Variants in DOC2B observed in about 807,000 individuals in gnomAD.
DOC2B encodes the protein double C2-like domain-containing protein beta.
In DOC2B, 21 loss-of-function variants were observed where a neutral mutation model predicts 28.9. That is an observed-to-expected ratio of 0.73 (90% CI 0.52 to 1.05). The LOEUF (loss-of-function observed/expected upper bound fraction) is 1.05. Among genes scored for constraint, DOC2B ranks in the 50% least tolerant of loss-of-function variants. The probability of loss-of-function intolerance (pLI) is 0.00; values close to 1 mark genes in which losing one functional copy is unlikely to be tolerated. For missense variants in DOC2B, 384 were observed against 421.1 expected, an observed-to-expected ratio of 0.91 and a Z score of 0.77; for synonymous variants, 194 against 178.1, an observed-to-expected ratio of 1.09 and a Z score of -0.71.
chr17:159,828 GCA>G (rs970833499), intron 5 of DOC2B, among the ~76,000 whole-genome samples: 7 of 148,032 alleles, frequency 4.7e-5, no homozygotes, highest in Admixed American at 3.3e-4. Flanking sequence ...ACACACTGTC[GCA>G]CACAGACACG....
chr17:147,275 G>A lies in DOC2B; in HGVS notation c.*166C>T, dbSNP rs1046125055. 1.5e-4 allele frequency: 60 copies of A among 395,736 alleles called. No individual in the cohort carries two copies. The highest frequency in any genetic ancestry group is 2.2e-4 in the Admixed American group (5 of 22,658). 24.5% of individuals were successfully genotyped at this position (395,736 alleles called of 1,614,324 possible). A position where few individuals can be genotyped will look rare whatever the true frequency, so the allele number is the denominator to read the frequency against. On this transcript the variant is annotated 3_prime_UTR_variant, in exon 9 of 9. Coordinates refer to ENST00000613549, the MANE Select transcript of DOC2B (RefSeq NM_003585.5). ...TTGCCCTCCCCGTCCCAGAGTGGCT[G>A]AGCCCTCCACATCCTCCGAGCGGGG...
chr17:161,041 C>T (rs984287940), intron 5 of DOC2B, among the ~76,000 whole-genome samples: 15 of 152,218 alleles, frequency 9.9e-5, no homozygotes, highest in Non-Finnish European at 1.9e-4. Flanking sequence ...TATCTGCTGC[C>T]TGCACATCTG....
At chr17:170,824 G>C (rs111785646) in intron 2 of DOC2B, among the ~76,000 whole-genome samples, 16 of 109,700 alleles carry the variant, frequency 1.5e-4, no homozygotes, top group South Asian at 7.6e-4. Context: ...GCAGCACCAG[G>C]GGCCGGGCCA....
chr17:156,325 G>T lies in DOC2B; in HGVS notation c.818C>A (p.Ser273Tyr). The T allele has an allele frequency of 6.4e-7, 1 of 1,551,582 alleles. No individual in the cohort carries two copies. The highest frequency in any genetic ancestry group is 2.0e-5 in the Admixed American group (1 of 51,000). Reference protein sequence around the residue: ...SLEERGRILISLKYSSQKQGL... With the variant: ...SLEERGRILIYLKYSSQKQGL... ...TTGCTTCTGTGAGCTGTACTTGAGG[G>T]AGATGAGGATGCGGCCCCGCTCCTC... The change falls in exon 6 of 9, where the codon TCC becomes TAC. Residue 273 changes from serine (S) to tyrosine (Y), a missense_variant. Ser to Tyr is a moderately radical substitution (Grantham distance 144). Transcript: ENST00000613549.
intron 5 of DOC2B, among the ~76,000 whole-genome samples, chr17:156,856 G>A (rs796129527): frequency 1.3e-5 from 2 of 152,338 alleles, no homozygotes; most frequent in South Asian, 4.1e-4. Context: ...TGGGATTACA[G>A]ACATGAGCCA....
intron 5 of DOC2B, among the ~76,000 whole-genome samples, chr17:158,425 C>G (rs1292961949): frequency 1.3e-5 from 2 of 152,208 alleles, no homozygotes; most frequent in Non-Finnish European, 2.9e-5. Context: ...AAGTGAGTCC[C>G]TCTGGCTACA....
rs2039996881 is a variant in DOC2B, at chr17:143,319, C to T, written c.*4122G>A. On this transcript the variant is annotated 3_prime_UTR_variant, in exon 9 of 9. Transcript: ENST00000613549. ...TCCTCCGTCTTTCCACCCTCCCCTC[C>T]TACCCTTCCAAATCTTTTTTTTTTT... The T allele has an allele frequency of 6.9e-6, 1 of 145,286 alleles. No homozygotes were observed. The allele number at this position is 145,286 out of a possible 1,614,324, so 9.0% of individuals were successfully genotyped here. A position where few individuals can be genotyped will look rare whatever the true frequency, so the allele number is the denominator to read the frequency against.
chr17:147,450 G>A lies in DOC2B; in HGVS notation c.1230C>T (p.Leu410=), dbSNP rs901151420. 1.9e-4 allele frequency: 74 copies of A among 398,738 alleles called. No individual in the cohort carries two copies. The highest frequency in any genetic ancestry group is 1.5e-3 in the African/African-American group (71 of 48,642). The allele number at this position is 398,738 out of a possible 1,614,324, so 24.7% of individuals were successfully genotyped here. A position where few individuals can be genotyped will look rare whatever the true frequency, so the allele number is the denominator to read the frequency against. ...TLTSELPGAV[L]SD ...CAGTGGCGGGTGGGCGTCAGTCGCT[G>A]AGCACAGCCCCTGGGAGCTCGCTGG... Residue 410 remains leucine (L), a synonymous_variant, in exon 9 of 9, where the codon CTC becomes CTT. Coordinates refer to ENST00000613549, the MANE Select transcript of DOC2B (RefSeq NM_003585.5).
intron 3 of DOC2B, among the ~76,000 whole-genome samples, chr17:163,927 G>A (rs749271700): frequency 2.5e-4 from 38 of 152,334 alleles, no homozygotes; most frequent in Non-Finnish European, 5.3e-4. Flanking sequence ...GAGGCAACAG[G>A]GTGTGGGGCA....
At chr17:156,443 C>T (rs2040136937) in intron 5 of DOC2B, 66 bp from the exon 6 acceptor site, 1 of 1,517,608 alleles carries the variant, frequency 6.6e-7, no homozygotes, top group Non-Finnish European at 8.9e-7. Flanking sequence ...TCCTTGGCCT[C>T]CTCTTCCTGA....
chr17:155,324 C>T (rs1027668671), intron 6 of DOC2B, among the ~76,000 whole-genome samples: 1 of 152,108 alleles, frequency 6.6e-6, no homozygotes, highest in Non-Finnish European at 1.5e-5. Flanking sequence ...GAAATATGAT[C>T]ATGGCCATGG....
In DOC2B at chr17:144,715, C is replaced by T. The variant is rs1423001512; in HGVS notation, c.*2726G>A. ...GCCCGCCTCCCAGCCTGACTGTCCC[C>T]ATCTTTCGGTCCCAGCCCCATTTGC... On this transcript the variant is annotated 3_prime_UTR_variant, in exon 9 of 9. Coordinates refer to ENST00000613549, the MANE Select transcript of DOC2B (RefSeq NM_003585.5). 3 of 152,354 alleles carry T rather than the reference C, an allele frequency of 2.0e-5. No individual in the cohort carries two copies. Among genetic ancestry groups the T allele is most frequent in the Admixed American group, 2.0e-4 (3 of 15,290 alleles). 9.4% of individuals were successfully genotyped at this position (152,354 alleles called of 1,614,324 possible). A position where few individuals can be genotyped will look rare whatever the true frequency, so the allele number is the denominator to read the frequency against.
At chr17:169,034 AGAG>A (rs2040281603) in intron 2 of DOC2B, among the ~76,000 whole-genome samples, 1 of 152,034 alleles carries the variant, frequency 6.6e-6, no homozygotes, top group Non-Finnish European at 1.5e-5. Flanking sequence ...TCTGGCTTTG[AGAG>A]GAGAGCTTCT....
Position 162,062 on chromosome 17 carries a change from G to T in DOC2B, c.638+19C>A, listed in dbSNP as rs934088789. On this transcript the variant is annotated intron_variant, in intron 4 of 8. Coordinates refer to ENST00000613549, the MANE Select transcript of DOC2B (RefSeq NM_003585.5). ...GTAGGGGTTGGGGAGGGAGCAGGCG[G>T]CCTGGGACCCTCACCCACCGCAGGG... 5 of 1,519,414 alleles carry T rather than the reference G, an allele frequency of 3.3e-6. No homozygotes were observed. The East Asian group carries it at 9.8e-5, about 30-fold the overall frequency. The allele number at this position is 1,519,414 out of a possible 1,614,324, so 94.1% of individuals were successfully genotyped here.
rs543336798 is a variant in DOC2B, at chr17:165,113, A to G, written c.454-909T>C. Among the ~76,000 whole-genome samples the G allele has an allele frequency of 2.6e-5, 4 of 151,444 alleles. No individual in the cohort carries two copies. In the South Asian group the frequency reaches 8.3e-4, roughly 31 times the overall value. On this transcript the variant is annotated intron_variant, in intron 2 of 8. Transcript: ENST00000613549. ...CTTCCCTGCCACTGGCAAAGGGCAG[A>G]GGTTTGGGGGCCTGGCTGGCTTGGG...
In DOC2B at chr17:162,003, C is replaced by T. The variant is rs2040209901; in HGVS notation, c.638+78G>A. 3.9e-6 allele frequency: 4 copies of T among 1,030,718 alleles called. No individual in the cohort carries two copies. In the Admixed American group the frequency reaches 8.0e-5, roughly 21 times the overall value. 63.8% of individuals were successfully genotyped at this position (1,030,718 alleles called of 1,614,324 possible). The stretch of plus-strand genomic sequence containing the variant: ...ACCCACAGGGGACCATCTGACCCTC[C>T]AGTCCTGCCTTCATTAGGAAAAGCC... On this transcript the variant is annotated intron_variant, in intron 4 of 8. Coordinates refer to ENST00000613549, the MANE Select transcript of DOC2B (RefSeq NM_003585.5).
intron 5 of DOC2B, 69 bp from the exon 6 acceptor site, chr17:156,446 C>G: frequency 2.6e-6 from 4 of 1,510,496 alleles, no homozygotes; most frequent in Non-Finnish European, 3.6e-6. Context: ...TTGGCCTCCT[C>G]TTCCTGAGCC....
Position 146,670 on chromosome 17 carries a change from G to T in DOC2B, c.*771C>A, listed in dbSNP as rs1348692165. On this transcript the variant is annotated 3_prime_UTR_variant, in exon 9 of 9. Transcript: ENST00000613549. ...TAGAAGCCCTCACTCACCCTCCAAG[G>T]CCTTACGGAAGCACCGCCTCCTCCA... 1 of 152,318 alleles carries T rather than the reference G, an allele frequency of 6.6e-6. No individual in the cohort carries two copies. The highest frequency in any genetic ancestry group is 1.5e-5 in the Non-Finnish European group (1 of 68,146). 9.4% of individuals were successfully genotyped at this position (152,318 alleles called of 1,614,324 possible). A position where few individuals can be genotyped will look rare whatever the true frequency, so the allele number is the denominator to read the frequency against.
At chr17:151,114 A>C (rs551040666) in intron 6 of DOC2B, among the ~76,000 whole-genome samples, 3 of 152,112 alleles carry the variant, frequency 2.0e-5, no homozygotes, top group Non-Finnish European at 2.9e-5. Context: ...CTACCAAAAA[A>C]TTAAAAATTA....
Sources: gnomAD v4.1 joint callset for allele counts (sites outside exome capture counted in the v4.1 genomes callset) on GRCh38, gnomAD v4.1.1 for gene constraint, MANE v1.5 for transcripts, NCBI Gene and HGNC (gene_info 2026-07-23, HGNC 2026-07-21) for gene names.